PTPRD: variants seen among roughly 807,000 people sequenced by gnomAD.
The protein encoded by PTPRD is receptor-type tyrosine-protein phosphatase delta.
Under a neutral mutation model 214.5 loss-of-function variants are expected in PTPRD, and 34 were observed. That is an observed-to-expected ratio of 0.16 (90% confidence interval 0.12 to 0.21). The LOEUF (loss-of-function observed/expected upper bound fraction) is 0.21, where lower values mean the gene tolerates loss of function less well. Among genes scored for constraint, PTPRD ranks in the 10% least tolerant of loss-of-function variants. The pLI, the probability that PTPRD is intolerant of heterozygous loss-of-function variation, is 1.00. For synonymous variants in PTPRD, 1,128 were observed against 845.7 expected, an observed-to-expected ratio of 1.33 and a Z score of -5.79; for missense variants, 2,545 against 2,398.7, an observed-to-expected ratio of 1.06 and a Z score of -1.27.
chr9:9,831,408 G>A (rs1005225839), intron 5 of PTPRD, among the ~76,000 whole-genome samples: 9 of 151,918 alleles, frequency 5.9e-5, no homozygotes, highest in Non-Finnish European at 1.2e-4. Context: ...ACATTTTTTA[G>A]ATGAGAGAGT....
intron 11 of PTPRD, among the ~76,000 whole-genome samples, chr9:8,916,808 C>A (rs556157861): frequency 6.6e-6 from 1 of 152,116 alleles, no homozygotes; most frequent in African/African-American, 2.4e-5. Flanking sequence ...AAACAACGAG[C>A]TATAAAATGA....
At chr9:10,445,062 G>A (rs1295488904) in intron 2 of PTPRD, among the ~76,000 whole-genome samples, 2 of 151,908 alleles carry the variant, frequency 1.3e-5, no homozygotes, top group Admixed American at 6.6e-5. Context: ...AGGTATAGAG[G>A]ATTTCAAACA....
intron 4 of PTPRD, among the ~76,000 whole-genome samples, chr9:9,970,434 A>G (rs189790116): frequency 7.2e-6 from 1 of 138,678 alleles, no homozygotes; most frequent in South Asian, 2.3e-4. Flanking sequence ...CTTCTCAAAA[A>G]AAAAAAAAAG....
intron 2 of PTPRD, among the ~76,000 whole-genome samples, chr9:10,370,085 T>C (rs2097581843): frequency 6.6e-6 from 1 of 152,094 alleles, no homozygotes; most frequent in Non-Finnish European, 1.5e-5. Flanking sequence ...GAATGAGGTC[T>C]TACAGCTCAC....
chr9:10,025,750 C>T (rs2096911392), intron 4 of PTPRD, among the ~76,000 whole-genome samples: 1 of 152,056 alleles, frequency 6.6e-6, no homozygotes, highest in Admixed American at 6.6e-5. Context: ...AGAGCTGTGC[C>T]GCCTCCACTG....
chr9:8,546,559 C>G (rs926908978), intron 14 of PTPRD, among the ~76,000 whole-genome samples: 16 of 151,550 alleles, frequency 1.1e-4, no homozygotes, highest in Non-Finnish European at 4.4e-5. Flanking sequence ...AGTGCAGTGG[C>G]ATAATCCTGG....
At chr9:9,879,406 T>G (rs2067923193) in intron 5 of PTPRD, among the ~76,000 whole-genome samples, 1 of 151,936 alleles carries the variant, frequency 6.6e-6, no homozygotes, top group Non-Finnish European at 1.5e-5. Context: ...GCAACCTCCC[T>G]CCCCCAGTGA....
At chr9:8,445,690 GA>G (rs1307690932) in intron 34 of PTPRD, among the ~76,000 whole-genome samples, 2 of 151,960 alleles carry the variant, frequency 1.3e-5, no homozygotes, top group African/African-American at 4.8e-5. Flanking sequence ...CATTTAGGGG[GA>G]GAAAAAAAAT....
intron 9 of PTPRD, among the ~76,000 whole-genome samples, chr9:9,209,993 A>C (rs2099947485): frequency 6.6e-6 from 1 of 152,190 alleles, no homozygotes; most frequent in Non-Finnish European, 1.5e-5. Context: ...GATGATTATC[A>C]CGCAGTAGAT....
At chr9:8,791,885 T>C (rs1194074306) in intron 11 of PTPRD, among the ~76,000 whole-genome samples, 1 of 152,080 alleles carries the variant, frequency 6.6e-6, no homozygotes, top group East Asian at 1.9e-4. Flanking sequence ...AACAATGTGT[T>C]TTAAGGCCAG....
intron 10 of PTPRD, among the ~76,000 whole-genome samples, chr9:9,111,705 A>G (rs889228767): frequency 6.6e-6 from 1 of 152,122 alleles, no homozygotes; most frequent in African/African-American, 2.4e-5. Context: ...CAAGATCTGA[A>G]ATTATTTTGG....
intron 8 of PTPRD, among the ~76,000 whole-genome samples, chr9:9,461,064 C>T (rs551855857): frequency 1.3e-5 from 2 of 152,016 alleles, no homozygotes; most frequent in South Asian, 4.2e-4. Flanking sequence ...ACAGGAATAA[C>T]TCAAACAGAA....
intron 4 of PTPRD, among the ~76,000 whole-genome samples, chr9:10,010,807 CTT>C (rs2096582861): frequency 1.3e-5 from 2 of 151,942 alleles, no homozygotes; most frequent in Admixed American, 6.6e-5. Context: ...TTAAAACTAA[CTT>C]AACACTAATA....
chr9:9,371,303 C>G lies in PTPRD; in HGVS notation c.-203+26146G>C, dbSNP rs184807303. Among the ~76,000 whole-genome samples the G allele has an allele frequency of 1.9e-3, 287 of 152,182 alleles. 1 individual carries two copies. The highest frequency in any genetic ancestry group is 6.4e-3 in the African/African-American group (264 of 41,532). Reference sequence around the variant, plus strand: ...CTCAATTTCAGAGCCTGTTATTGGTCTATTCAGAGATTCAACTTCTTCCTG... The same window carrying G: ...CTCAATTTCAGAGCCTGTTATTGGTGTATTCAGAGATTCAACTTCTTCCTG... On this transcript the variant is annotated intron_variant, in intron 9 of 45. Coordinates refer to ENST00000381196, the MANE Select transcript of PTPRD (RefSeq NM_002839.4).
intron 8 of PTPRD, among the ~76,000 whole-genome samples, chr9:9,564,006 G>T (rs913524656): frequency 4.6e-5 from 7 of 152,092 alleles, no homozygotes; most frequent in Non-Finnish European, 1.0e-4. Flanking sequence ...AACTGAGTAG[G>T]TGAGAGCTTG....
chr9:10,286,790 G>A (rs1239647019), intron 3 of PTPRD, among the ~76,000 whole-genome samples: 4 of 152,000 alleles, frequency 2.6e-5, no homozygotes, highest in East Asian at 3.9e-4. Flanking sequence ...TACTAGAGAC[G>A]GGGTTTCACT....
In PTPRD at chr9:8,340,335, A is replaced by G. The variant is rs780560777; in HGVS notation, c.5253+8T>C. 3 of 1,597,042 alleles carry G rather than the reference A, an allele frequency of 1.9e-6. No homozygotes were observed. The highest frequency in any genetic ancestry group is 4.5e-5 in the East Asian group (2 of 44,692). ...TTATGAGGAGACACACAAGGGCCAC[A>G]CACTTACTCTGCCCATTTCACGCAG... is the stretch of plus-strand genomic sequence containing the variant. On this transcript the variant is annotated splice_region_variant and intron_variant, in intron 42 of 45. Transcript: ENST00000381196.
At chr9:10,327,313 GA>G (rs2096662315) in intron 3 of PTPRD, among the ~76,000 whole-genome samples, 1 of 150,256 alleles carries the variant, frequency 6.7e-6, no homozygotes, top group Non-Finnish European at 1.5e-5. Context: ...CATGGCAGTT[GA>G]TTTATCTAAT....
intron 8 of PTPRD, among the ~76,000 whole-genome samples, chr9:9,568,207 A>C (rs1435822685): frequency 6.6e-6 from 1 of 151,912 alleles, no homozygotes; most frequent in Non-Finnish European, 1.5e-5. Context: ...GGCTCAAAGC[A>C]TATCAACTGA....
Sources: gnomAD v4.1 joint callset for allele counts (sites outside exome capture counted in the v4.1 genomes callset) on GRCh38, gnomAD v4.1.1 for gene constraint, MANE v1.5 for transcripts, NCBI Gene and HGNC (gene_info 2026-07-23, HGNC 2026-07-21) for gene names.